The following EFR3B variants were observed in gnomAD, a reference collection of about 807,000 sequenced individuals.
The protein encoded by EFR3B is protein EFR3 homolog B.
In EFR3B, 64 loss-of-function variants were observed where a neutral mutation model predicts 104.7. The ratio of observed to expected loss-of-function variants is 0.61; its 90% confidence interval spans 0.50 to 0.75. The LOEUF (loss-of-function observed/expected upper bound fraction) is 0.75, where lower values mean the gene tolerates loss of function less well. Among genes scored for constraint, EFR3B ranks in the 30% least tolerant of loss-of-function variants. The probability of loss-of-function intolerance (pLI) is 0.00; values close to 1 mark genes in which losing one functional copy is unlikely to be tolerated. For missense variants in EFR3B, 750 were observed against 1,078.5 expected (o/e 0.70, Z 4.27); for synonymous variants, 385 against 417.9 (o/e 0.92, Z 0.96).
At position 25,131,078 on chromosome 2, in the gene EFR3B, A is replaced by C. The variant is rs1196408711; in HGVS notation, c.850-290A>C. The stretch of plus-strand genomic sequence containing the variant: ...GCCTCCCGTGGCTCTTGCCGGAAAG[A>C]CCTGAAGAAATGAAAGGAAGACCCT... On this transcript the variant is annotated intron_variant, in intron 8 of 22. Transcript: ENST00000403714. The surrounding 1 kb of genome is among the most constrained non-coding windows in gnomAD (Gnocchi z 7.6). Among the ~76,000 whole-genome samples the C allele has an allele frequency of 6.6e-6, 1 of 152,108 alleles. No individual in the cohort carries two copies. The highest frequency in any genetic ancestry group is 1.5e-5 in the Non-Finnish European group (1 of 68,024).
chr2:25,052,059 G>T (rs535603111), intron 1 of EFR3B, among the ~76,000 whole-genome samples: 1 of 151,792 alleles, frequency 6.6e-6, no homozygotes, highest in Non-Finnish European at 1.5e-5. Context: ...AGCCGAGCAT[G>T]GTGGCACATG....
intron 3 of EFR3B, among the ~76,000 whole-genome samples, chr2:25,095,793 A>AT (rs1390950193): frequency 6.6e-6 from 1 of 152,014 alleles, no homozygotes; most frequent in East Asian, 1.9e-4. Context: ...TTTCGTATCT[A>AT]TTTTTTCTAC....
intron 4 of EFR3B, among the ~76,000 whole-genome samples, chr2:25,117,289 G>A (rs945299736): frequency 6.6e-6 from 1 of 152,192 alleles, no homozygotes; most frequent in African/African-American, 2.4e-5. Context: ...GACTCAGCAT[G>A]TCTGGGAGGG....
At chr2:25,113,548 G>A (rs1377412982) in intron 4 of EFR3B, among the ~76,000 whole-genome samples, 1 of 151,890 alleles carries the variant, frequency 6.6e-6, no homozygotes, top group African/African-American at 2.4e-5. Flanking sequence ...GGCGCCTGTA[G>A]TGCCAGCTAC....
At position 25,042,170 on chromosome 2, in the gene EFR3B, C is replaced by T; in HGVS notation, c.-143C>T. The T allele has an allele frequency of 3.6e-6, 3 of 826,784 alleles. No individual in the cohort carries two copies. The highest frequency in any genetic ancestry group is 3.2e-6 in the Non-Finnish European group (2 of 629,526). 51.2% of individuals were successfully genotyped at this position (826,784 alleles called of 1,614,324 possible). A position where few individuals can be genotyped will look rare whatever the true frequency, so the allele number is the denominator to read the frequency against. On this transcript the variant is annotated 5_prime_UTR_variant, in exon 1 of 23. Coordinates refer to ENST00000403714, the MANE Select transcript of EFR3B (RefSeq NM_014971.2). This position sits in a 1 kb window ranked among gnomAD's most constrained non-coding sequence, Gnocchi z 5.4. The stretch of plus-strand genomic sequence containing the variant: ...CTCCGTCCTGCCCGCGGCCGGCCCC[C>T]GCGTCTGCTCCCTCCCCGCCCGGGC...
At chr2:25,106,456 ATTTTTT>A (rs35899048) in intron 4 of EFR3B, among the ~76,000 whole-genome samples, 2 of 129,726 alleles carry the variant, frequency 1.5e-5, no homozygotes, top group African/African-American at 2.9e-5. Context: ...TGCCCAGCTA[ATTTTTT>A]TTTTTTTTTT....
At chr2:25,089,042 C>T (rs964806430) in intron 1 of EFR3B, among the ~76,000 whole-genome samples, 2 of 152,134 alleles carry the variant, frequency 1.3e-5, no homozygotes, top group Non-Finnish European at 2.9e-5. Flanking sequence ...AGGTGCCTTC[C>T]CTGGAGGGCC....
chr2:25,075,577 T>G (rs1220095551), intron 1 of EFR3B, among the ~76,000 whole-genome samples: 1 of 152,234 alleles, frequency 6.6e-6, no homozygotes, highest in African/African-American at 2.4e-5. Context: ...TGTTTAACAG[T>G]TAATTCTTAT....
In EFR3B at chr2:25,042,727, C is replaced by G; in HGVS notation, c.7+408C>G. 3.0e-6 allele frequency: 3 copies of G among 989,786 alleles called. No homozygotes were observed. Among genetic ancestry groups the G allele is most frequent in the Non-Finnish European group, 3.6e-6 (3 of 831,828 alleles). 61.3% of individuals were successfully genotyped at this position (989,786 alleles called of 1,614,324 possible). ...CAGGGCTGAGGGAGACGCCCGCGGC[C>G]GGTCGTCTGCGCGGCTCGGAGAAGG... On this transcript the variant is annotated intron_variant, in intron 1 of 22. Coordinates refer to ENST00000403714, the MANE Select transcript of EFR3B (RefSeq NM_014971.2). This position sits in a 1 kb window ranked among gnomAD's most constrained non-coding sequence, Gnocchi z 5.4.
intron 1 of EFR3B, among the ~76,000 whole-genome samples, chr2:25,082,403 G>C (rs1573188859): frequency 6.6e-6 from 1 of 152,158 alleles, no homozygotes; most frequent in African/African-American, 2.4e-5. Flanking sequence ...AGAGAGACTG[G>C]TCCCAGTGAG....
intron 3 of EFR3B, 22 bp from the exon 4 acceptor site, chr2:25,103,615 C>G (rs942431859): frequency 5.2e-6 from 8 of 1,542,732 alleles, no homozygotes; most frequent in Non-Finnish European, 6.1e-6. Flanking sequence ...CGGCCAGTGA[C>G]GGCATGTGCT....
chr2:25,143,727 T>A lies in EFR3B; in HGVS notation c.1923-8T>A. ...TCTAACGAACTTTCTCCCTCCTTCA[T>A]CTTCCAGGCTGTCTCAGAATCTTGA... On this transcript the variant is annotated splice_polypyrimidine_tract_variant and splice_region_variant and intron_variant, in intron 17 of 22. Transcript: ENST00000403714. 6.4e-7 allele frequency: 1 copy of A among 1,551,382 alleles called. No individual in the cohort carries two copies. The highest frequency in any genetic ancestry group is 8.7e-7 in the Non-Finnish European group (1 of 1,146,864).
chr2:25,052,826 C>G (rs1267626612), intron 1 of EFR3B, among the ~76,000 whole-genome samples: 1 of 152,084 alleles, frequency 6.6e-6, no homozygotes, highest in East Asian at 1.9e-4. Context: ...ATTCTAAGCA[C>G]TTTTTTTATG....
chr2:25,139,181 C>A lies in EFR3B; in HGVS notation c.1845C>A (p.His615Gln), dbSNP rs1343615368. The change falls in exon 16 of 23, where the codon CAC (histidine) becomes CAA (glutamine). Residue 615 changes from histidine (H) to glutamine (Q), a missense_variant. By Grantham distance (24) the His-to-Gln change is conservative. Transcript: ENST00000403714. ...QLTTVPAFCQHIHEVIETRKK... is the reference protein window; with the variant it reads ...QLTTVPAFCQQIHEVIETRKK... ...CAACAGTGCCTGCCTTCTGCCAGCA[C>A]ATCCATGAGGTTGGTGTTCTCACGA... is the stretch of plus-strand genomic sequence containing the variant. 1.9e-6 allele frequency: 3 copies of A among 1,551,336 alleles called. No individual in the cohort carries two copies. The highest frequency in any genetic ancestry group is 2.6e-6 in the Non-Finnish European group (3 of 1,146,954).
intron 1 of EFR3B, among the ~76,000 whole-genome samples, chr2:25,068,125 C>T (rs577601476): frequency 6.6e-6 from 1 of 152,280 alleles, no homozygotes; most frequent in South Asian, 2.1e-4. Flanking sequence ...AGCATCCATG[C>T]TTCTCCTGTG....
chr2:25,121,918 T>A, intron 5 of EFR3B, 124 bp downstream of exon 5: 1 of 1,367,722 alleles, frequency 7.3e-7, no homozygotes, highest in Non-Finnish European at 9.9e-7. Flanking sequence ...TGCTCTGATG[T>A]TGCCGGGCAG....
At chr2:25,087,378 T>C (rs2577277) in intron 1 of EFR3B, among the ~76,000 whole-genome samples, 54,284 of 142,248 alleles carry the variant, frequency 0.38, 11,833 homozygotes, top group East Asian at 0.55. Context: ...TATATATATA[T>C]ACACACACAC....
chr2:25,110,138 TGGGTCTCCTC>T (rs1553393035), intron 4 of EFR3B, among the ~76,000 whole-genome samples: 1 of 152,060 alleles, frequency 6.6e-6, no homozygotes, highest in Non-Finnish European at 1.5e-5. Flanking sequence ...CTCACCTCCC[TGGGTCTCCTC>T]GTTTCGTTCC....
rs563102934 is a variant in EFR3B at position 25,144,902 on chromosome 2, C to T, written c.2051-58C>T. The T allele has an allele frequency of 9.5e-6, 14 of 1,474,052 alleles. No homozygotes were observed. The South Asian group carries it at 1.7e-4, about 18-fold the overall frequency. The allele number at this position is 1,474,052 out of a possible 1,614,324, so 91.3% of individuals were successfully genotyped here. On this transcript the variant is annotated intron_variant, in intron 18 of 22. Coordinates refer to ENST00000403714, the MANE Select transcript of EFR3B (RefSeq NM_014971.2). ...AGGGGTAGGGAGGTGGGACTAGCAG[C>T]TCAGTCCTGGATCTCTGAGGGCTGG...
Sources: allele counts gnomAD v4.1 joint callset (sites outside exome capture counted in the v4.1 genomes callset), GRCh38; gene constraint gnomAD v4.1.1; non-coding constraint Gnocchi (gnomAD v3.1); transcripts MANE v1.5; gene names NCBI Gene and HGNC (gene_info 2026-07-23, HGNC 2026-07-21).